Variants in TBC1D5 observed in about 807,000 individuals in gnomAD.
TBC1D5 encodes TBC1 domain family member 5, also known as TBC1 domain family, member 5.
A neutral mutation model predicts 100.3 loss-of-function variants in TBC1D5; 75 were observed. The observed-to-expected ratio is 0.75, with a 90% CI of 0.62 to 0.91. The LOEUF is 0.91. Among genes scored for constraint, TBC1D5 ranks in the 40% least tolerant of loss-of-function variants. TBC1D5 has a pLI of 0.00. For missense variants in TBC1D5, 910 were observed against 942.4 expected, an observed-to-expected ratio of 0.97 and a Z score of 0.45; for synonymous variants, 323 against 325.6, an observed-to-expected ratio of 0.99 and a Z score of 0.09.
At chr3:17,248,375 G>T (rs2076921379) in intron 16 of TBC1D5, among the ~76,000 whole-genome samples, 1 of 152,164 alleles carries the variant, frequency 6.6e-6, no homozygotes, top group Middle Eastern at 3.2e-3. Context: ...TCTTGTTAAT[G>T]TTGATATTTT....
chr3:17,648,810 T>G (rs1251754810), intron 1 of TBC1D5, among the ~76,000 whole-genome samples: 1 of 152,178 alleles, frequency 6.6e-6, no homozygotes, highest in African/African-American at 2.4e-5. Flanking sequence ...TGGCTAGTAT[T>G]AGAAAGTCGA....
intron 3 of TBC1D5, among the ~76,000 whole-genome samples, chr3:17,494,863 T>C (rs929303802): frequency 6.6e-5 from 10 of 152,204 alleles, no homozygotes; most frequent in African/African-American, 1.9e-4. Flanking sequence ...ACCAAGAGTC[T>C]GCACAGCTCC....
At chr3:17,675,479 C>A (rs1002907539) in intron 1 of TBC1D5, among the ~76,000 whole-genome samples, 4 of 152,114 alleles carry the variant, frequency 2.6e-5, no homozygotes, top group African/African-American at 9.7e-5. Context: ...AGAAAAGATA[C>A]GTTCCTAAAG....
chr3:17,635,210 A>G (rs1233717643), intron 1 of TBC1D5, among the ~76,000 whole-genome samples: 2 of 152,128 alleles, frequency 1.3e-5, no homozygotes, highest in African/African-American at 4.8e-5. Flanking sequence ...AAAGAACAGG[A>G]GGTCAGTTTT....
At chr3:17,405,375 A>G (rs903366135) in intron 5 of TBC1D5, among the ~76,000 whole-genome samples, 1 of 152,092 alleles carries the variant, frequency 6.6e-6, no homozygotes, top group Non-Finnish European at 1.5e-5. Context: ...AGCTGGTAAA[A>G]GTTAGTGAAC....
In TBC1D5 at chr3:17,335,469, A is replaced by G. The variant is rs570192838; in HGVS notation, c.996-27335T>C. Among the ~76,000 whole-genome samples, 9 of 152,216 alleles carry G rather than the reference A, an allele frequency of 5.9e-5. 1 individual carries two copies. The South Asian group carries it at 1.7e-3, about 28-fold the overall frequency. On this transcript the variant is annotated intron_variant, in intron 13 of 21. Transcript: ENST00000253692. Reference sequence around the variant, plus strand: ...TCAGTGACTCCACACCATAAGGAGAAAGACCCATCTCTGACTCCACTCAGC... The same window carrying G: ...TCAGTGACTCCACACCATAAGGAGAGAGACCCATCTCTGACTCCACTCAGC...
At chr3:17,286,338 G>C (rs1201340174) in intron 15 of TBC1D5, among the ~76,000 whole-genome samples, 1 of 152,172 alleles carries the variant, frequency 6.6e-6, no homozygotes, top group Non-Finnish European at 1.5e-5. Flanking sequence ...GGTTATTTAA[G>C]GAACACAATA....
At chr3:17,663,466 AATAAAT>A (rs1410489402) in intron 1 of TBC1D5, among the ~76,000 whole-genome samples, 2 of 152,274 alleles carry the variant, frequency 1.3e-5, no homozygotes, top group Admixed American at 1.3e-4. Context: ...TGAATTATAA[AATAAAT>A]ATAAATGGTC....
chr3:17,190,830 T>C (rs1370700611), intron 18 of TBC1D5, among the ~76,000 whole-genome samples: 2 of 151,958 alleles, frequency 1.3e-5, no homozygotes, highest in Admixed American at 6.6e-5. Flanking sequence ...ACACTAACTG[T>C]AGGCAGCAGG....
chr3:17,710,363 A>G (rs1008705747), intron 1 of TBC1D5, among the ~76,000 whole-genome samples: 1 of 152,034 alleles, frequency 6.6e-6, no homozygotes, highest in Non-Finnish European at 1.5e-5. Flanking sequence ...TCAGGAGTTC[A>G]AGACCAGCCT....
At position 17,474,266 on chromosome 3, in the gene TBC1D5, T is replaced by C. The variant is rs1329579088; in HGVS notation, c.97+34208A>G. ...ATATTTTTCTAGAATATAAACTACT[T>C]ACTCATCAAAACAGATTTCTGAGTT... On this transcript the variant is annotated intron_variant, in intron 3 of 21. Transcript: ENST00000253692. 4.1e-4 allele frequency among the ~76,000 whole-genome samples: 63 copies of C among 152,170 alleles called. 1 individual carries two copies. Among genetic ancestry groups the C allele is most frequent in the Admixed American group, 4.1e-3 (63 of 15,274 alleles).
At chr3:17,301,766 G>A (rs533503842) in intron 14 of TBC1D5, among the ~76,000 whole-genome samples, 2 of 152,270 alleles carry the variant, frequency 1.3e-5, no homozygotes, top group South Asian at 4.1e-4. Context: ...CCTTGCCCTA[G>A]GCCTGAAAAT....
chr3:17,171,661 T>G (rs2067181889), intron 19 of TBC1D5, among the ~76,000 whole-genome samples: 1 of 152,144 alleles, frequency 6.6e-6, no homozygotes, highest in African/African-American at 2.4e-5. Context: ...GCCACTAGAT[T>G]AGGGTAAGCC....
At chr3:17,526,918 G>A (rs2096143553) in intron 2 of TBC1D5, among the ~76,000 whole-genome samples, 1 of 152,116 alleles carries the variant, frequency 6.6e-6, no homozygotes, top group African/African-American at 2.4e-5. Flanking sequence ...TGTCTGTTGA[G>A]GAAGGAAAGA....
intron 13 of TBC1D5, among the ~76,000 whole-genome samples, chr3:17,367,874 AAG>A: frequency 6.6e-6 from 1 of 152,080 alleles, no homozygotes; most frequent in Non-Finnish European, 1.5e-5. Context: ...AAAAAGAAAA[AAG>A]ATGTTAATTA....
intron 2 of TBC1D5, chr3:17,524,440 G>C (rs1289836423): frequency 6.6e-6 from 1 of 152,114 alleles, no homozygotes; most frequent in Non-Finnish European, 1.5e-5. Flanking sequence ...ATATCCTCTA[G>C]CCAAATCTAT....
intron 14 of TBC1D5, among the ~76,000 whole-genome samples, chr3:17,301,090 A>T (rs2082778978): frequency 6.6e-6 from 1 of 152,006 alleles, no homozygotes; most frequent in Non-Finnish European, 1.5e-5. Flanking sequence ...AAAAAAGGAA[A>T]ATCTATAAAT....
At chr3:17,217,298 C>T (rs916524123) in intron 17 of TBC1D5, among the ~76,000 whole-genome samples, 3 of 152,106 alleles carry the variant, frequency 2.0e-5, no homozygotes, top group Non-Finnish European at 4.4e-5. Flanking sequence ...TTAGCTTATA[C>T]ACATTTTTGG....
At chr3:17,503,545 G>C (rs1317067822) in intron 3 of TBC1D5, among the ~76,000 whole-genome samples, 2 of 149,336 alleles carry the variant, frequency 1.3e-5, no homozygotes, top group Non-Finnish European at 2.9e-5. Flanking sequence ...TTTACTGAAT[G>C]ACAAAAAATG....
Sources: allele counts gnomAD v4.1 joint callset (sites outside exome capture counted in the v4.1 genomes callset), GRCh38; gene constraint gnomAD v4.1.1; transcripts MANE v1.5; gene names NCBI Gene and HGNC (gene_info 2026-07-23, HGNC 2026-07-21).